Variants in SPECC1L observed in about 807,000 individuals in gnomAD.
SPECC1L encodes sperm antigen with calponin homology and coiled-coil domains 1 like.
Under a neutral mutation model 116.8 loss-of-function variants are expected in SPECC1L, and 40 were observed. That is an observed-to-expected ratio of 0.34 (90% confidence interval 0.27 to 0.45). The LOEUF (loss-of-function observed/expected upper bound fraction) is 0.45, where lower values mean the gene tolerates loss of function less well. SPECC1L is among the 20% of genes least tolerant of loss of function. The pLI is 1.00. For missense variants in SPECC1L, 1,110 were observed against 1,373.6 expected, an observed-to-expected ratio of 0.81 and a Z score of 3.03; for synonymous variants, 504 against 500.6, an observed-to-expected ratio of 1.01 and a Z score of -0.09.
chr22:24,362,356 T>C (rs1398315465), intron 11 of SPECC1L, among the ~76,000 whole-genome samples: 3 of 152,148 alleles, frequency 2.0e-5, no homozygotes, highest in Admixed American at 2.0e-4. Context: ...AGGGGACAGC[T>C]GGTGCCAATG....
chr22:24,389,540 G>A (rs957017695), intron 14 of SPECC1L, among the ~76,000 whole-genome samples: 40 of 151,188 alleles, frequency 2.6e-4, no homozygotes, highest in African/African-American at 9.5e-4. Context: ...TTTAGGGAAA[G>A]GATCTATCTA....
intron 6 of SPECC1L, among the ~76,000 whole-genome samples, chr22:24,327,181 G>A (rs1219888153): frequency 6.6e-6 from 1 of 150,684 alleles, no homozygotes; most frequent in Admixed American, 6.7e-5. Context: ...AGGAGGCTGA[G>A]GCAGGAGAAT....
At chr22:24,403,452 GTGAACAA>G (rs1255019880) in intron 14 of SPECC1L, among the ~76,000 whole-genome samples, 2 of 152,144 alleles carry the variant, frequency 1.3e-5, no homozygotes, top group Non-Finnish European at 2.9e-5. Flanking sequence ...CCTGTGAATA[GTGAACAA>G]TAGAAATTCC....
chr22:24,412,728 G>T (rs1294334120), intron 16 of SPECC1L, 21 bp downstream of exon 16: 3 of 1,612,890 alleles, frequency 1.9e-6, no homozygotes, highest in African/African-American at 1.3e-5. Context: ...GTCCCCCTGA[G>T]TCACTGGCAG....
chr22:24,344,353 A>G (rs75857254), intron 10 of SPECC1L, among the ~76,000 whole-genome samples: 2 of 152,134 alleles, frequency 1.3e-5, no homozygotes, highest in African/African-American at 4.8e-5. Flanking sequence ...TAAAAAAAAA[A>G]ACATTAATCT....
At chr22:24,399,677 T>C (rs1435072922) in intron 14 of SPECC1L, among the ~76,000 whole-genome samples, 2 of 152,242 alleles carry the variant, frequency 1.3e-5, no homozygotes, top group Non-Finnish European at 2.9e-5. Context: ...GAAGTATGCT[T>C]GCTACTTTGA....
chr22:24,405,354 G>A (rs1187036990), intron 14 of SPECC1L, among the ~76,000 whole-genome samples: 1 of 151,916 alleles, frequency 6.6e-6, no homozygotes, highest in African/African-American at 2.4e-5. Context: ...GGAGGCAGGT[G>A]GAGGTTTACA....
At chr22:24,343,805 A>C (rs1460277555) in intron 10 of SPECC1L, among the ~76,000 whole-genome samples, 2 of 147,248 alleles carry the variant, frequency 1.4e-5, no homozygotes, top group Non-Finnish European at 3.0e-5. Flanking sequence ...TGTGTATTTA[A>C]AAAAAAAAAG....
Position 24,389,515 on chromosome 22 carries a change from C to T in SPECC1L, c.3087+20195C>T, listed in dbSNP as rs1453100613. Among the ~76,000 whole-genome samples, 25 of 146,192 alleles carry T rather than the reference C, an allele frequency of 1.7e-4. No individual in the cohort carries two copies. The East Asian group carries it at 2.4e-3, about 14-fold the overall frequency. ...TTATATTTGTGTTTGTGGGGGCTTT[C>T]GGGTTTTTTTTTTTTTTAGGGAAAG... is the stretch of plus-strand genomic sequence containing the variant. On this transcript the variant is annotated intron_variant, in intron 14 of 16. Transcript: ENST00000314328.
At chr22:24,359,947 CT>C (rs2041610405) in intron 11 of SPECC1L, among the ~76,000 whole-genome samples, 1 of 152,130 alleles carries the variant, frequency 6.6e-6, no homozygotes. Context: ...CTCGTAATGA[CT>C]TTTTGAATGC....
intron 2 of SPECC1L, among the ~76,000 whole-genome samples, chr22:24,296,127 G>A (rs2049256909): frequency 6.6e-6 from 1 of 152,188 alleles, no homozygotes; most frequent in Non-Finnish European, 1.5e-5. Flanking sequence ...GAGGCCATAT[G>A]GAGTGGCAGA....
intron 11 of SPECC1L, among the ~76,000 whole-genome samples, chr22:24,353,816 T>G (rs1358683298): frequency 6.6e-6 from 1 of 152,254 alleles, no homozygotes; most frequent in African/African-American, 2.4e-5. Context: ...TGATGTTAAA[T>G]TAACTTTGTT....
chr22:24,385,058 G>A (rs1325785176), intron 14 of SPECC1L, among the ~76,000 whole-genome samples: 29 of 139,568 alleles, frequency 2.1e-4, no homozygotes, highest in Admixed American at 1.0e-3. Flanking sequence ...GCGAAACTCC[G>A]TCTCAAAAAA....
chr22:24,414,438 A>G (rs1259556579), intron 16 of SPECC1L, 96 bp from the exon 17 acceptor site: 3 of 983,956 alleles, frequency 3.0e-6, no homozygotes, highest in African/African-American at 3.2e-5. Flanking sequence ...TCAAGGCCCC[A>G]TCCAACTCCA....
intron 11 of SPECC1L, among the ~76,000 whole-genome samples, chr22:24,358,106 T>C (rs918410342): frequency 1.3e-5 from 2 of 148,894 alleles, no homozygotes; most frequent in Non-Finnish European, 3.0e-5. Context: ...AGGTGTTTTG[T>C]TTTTTTTGGT....
At chr22:24,391,759 A>G (rs1315780839) in intron 14 of SPECC1L, among the ~76,000 whole-genome samples, 2 of 152,140 alleles carry the variant, frequency 1.3e-5, no homozygotes, top group East Asian at 3.8e-4. Flanking sequence ...GGGCAGACCT[A>G]AGCAGTTTGA....
chr22:24,287,689 C>T (rs1304445493), intron 2 of SPECC1L, among the ~76,000 whole-genome samples: 1 of 152,152 alleles, frequency 6.6e-6, no homozygotes, highest in African/African-American at 2.4e-5. Context: ...CCTATTCAGA[C>T]TCCTGCTCTA....
intron 2 of SPECC1L, among the ~76,000 whole-genome samples, chr22:24,281,524 G>GT (rs1369498556): frequency 6.6e-6 from 1 of 152,092 alleles, no homozygotes; most frequent in African/African-American, 2.4e-5. Flanking sequence ...AATCTTTCCA[G>GT]TTTTTTGAAG....
At chr22:24,328,737 G>C in intron 6 of SPECC1L, 109 bp from the exon 7 acceptor site, 1 of 808,306 alleles carries the variant, frequency 1.2e-6, no homozygotes, top group Non-Finnish European at 2.1e-6. Flanking sequence ...TATAGTCTTT[G>C]GACAGGATAA....
Sources: allele counts gnomAD v4.1 joint callset (sites outside exome capture counted in the v4.1 genomes callset), GRCh38; gene constraint gnomAD v4.1.1; transcripts MANE v1.5; gene names NCBI Gene and HGNC (gene_info 2026-07-23, HGNC 2026-07-21).